Variants in ROBO2 observed in about 807,000 individuals in gnomAD.
The protein encoded by ROBO2 is roundabout guidance receptor 2, also known as roundabout homolog 2.
ROBO2 carries 53 observed loss-of-function variants against 160.8 expected under a neutral mutation model. The ratio of observed to expected loss-of-function variants is 0.33; its 90% CI spans 0.26 to 0.41. The LOEUF (loss-of-function observed/expected upper bound fraction) is 0.41. ROBO2 is among the 10% of genes least tolerant of loss of function. The pLI is 1.00. For missense variants in ROBO2, 1,577 were observed against 1,722.4 expected, an observed-to-expected ratio of 0.92 and a Z score of 1.49; for synonymous variants, 664 against 611.7, an observed-to-expected ratio of 1.09 and a Z score of -1.26.
At chr3:77,288,834 A>T (rs1216124037) in intron 2 of ROBO2, among the ~76,000 whole-genome samples, 2 of 152,194 alleles carry the variant, frequency 1.3e-5, no homozygotes, top group Non-Finnish European at 2.9e-5. Context: ...AAAGTGTGAT[A>T]ACACTGTATT....
intron 2 of ROBO2, among the ~76,000 whole-genome samples, chr3:77,301,403 T>G (rs1469827842): frequency 6.6e-6 from 1 of 152,138 alleles, no homozygotes; most frequent in Non-Finnish European, 1.5e-5. Context: ...TGAAACAATG[T>G]ACAGTGGAGG....
At chr3:77,428,337 ATATTTTTTTTT>A (rs1465158733) in intron 2 of ROBO2, among the ~76,000 whole-genome samples, 12 of 128,224 alleles carry the variant, frequency 9.4e-5, no homozygotes, top group South Asian at 2.6e-4. Context: ...AACTTAGGTA[ATATTTTTTTTT>A]TTTTTTTTTT....
chr3:76,664,083 A>G (rs937517237), intron 2 of ROBO2, among the ~76,000 whole-genome samples: 1 of 152,162 alleles, frequency 6.6e-6, no homozygotes, highest in Non-Finnish European at 1.5e-5. Flanking sequence ...TTTATAGGCT[A>G]TTTCCCTATG....
intron 2 of ROBO2, among the ~76,000 whole-genome samples, chr3:77,165,720 C>A (rs2150686543): frequency 6.6e-6 from 1 of 152,188 alleles, no homozygotes; most frequent in Non-Finnish European, 1.5e-5. Context: ...TGAATTTTTG[C>A]AAACTGAACA....
chr3:76,544,052 C>A (rs1560122320), intron 2 of ROBO2, among the ~76,000 whole-genome samples: 2 of 152,034 alleles, frequency 1.3e-5, no homozygotes, highest in African/African-American at 4.8e-5. Context: ...ATTTTAGACA[C>A]TATTTTAAAA....
intron 2 of ROBO2, among the ~76,000 whole-genome samples, chr3:77,292,998 G>A (rs1182668522): frequency 8.7e-5 from 13 of 150,000 alleles, no homozygotes; most frequent in East Asian, 2.0e-4. Flanking sequence ...ACGGTTAAAC[G>A]GGTAAGCTGA....
chr3:76,914,260 G>A (rs547093380), intron 2 of ROBO2, among the ~76,000 whole-genome samples: 7 of 152,236 alleles, frequency 4.6e-5, no homozygotes, highest in African/African-American at 1.7e-4. Context: ...ATCTACCAAG[G>A]TTATCAGCAT....
Position 76,049,403 on chromosome 3 carries a change from A to AT in ROBO2, c.109+111822dup, listed in dbSNP as rs1167852972. 9.7e-3 allele frequency among the ~76,000 whole-genome samples: 522 copies of AT among 53,750 alleles called. 18 individuals are homozygous for AT. Among genetic ancestry groups the AT allele is most frequent in the Non-Finnish European group, 0.011 (416 of 36,406 alleles). 35.3% of individuals were successfully genotyped at this position (53,750 alleles called of 152,430 possible). ...TTTTAGTATATATATATATATATAT[A>AT]TTTTTTTTTTTTTTTTTTTTTGTAG... On this transcript the variant is annotated intron_variant, in intron 2 of 26. Transcript: ENST00000487694.
At chr3:76,694,106 A>G (rs2092874148) in intron 2 of ROBO2, among the ~76,000 whole-genome samples, 1 of 152,234 alleles carries the variant, frequency 6.6e-6, no homozygotes, top group South Asian at 2.1e-4. Context: ...AGAAAGGCTT[A>G]CTGCATCAGT....
chr3:77,166,795 G>A (rs183137269), intron 2 of ROBO2, among the ~76,000 whole-genome samples: 192 of 152,198 alleles, frequency 1.3e-3, no homozygotes, highest in South Asian at 6.2e-3. Context: ...TCCTGACCTC[G>A]TGATCCGCCT....
chr3:76,434,230 C>T (rs2076564985), intron 2 of ROBO2: 1 of 1,036,348 alleles, frequency 9.6e-7, no homozygotes, highest in East Asian at 2.4e-5. Context: ...ATGGTCCACA[C>T]AGGTTTGACG....
intron 2 of ROBO2, among the ~76,000 whole-genome samples, chr3:76,212,457 A>C (rs755543136): frequency 1.3e-5 from 2 of 152,056 alleles, no homozygotes; most frequent in Non-Finnish European, 2.9e-5. Flanking sequence ...TTTAAAATAT[A>C]TATTTAAACT....
chr3:77,401,739 A>G (rs1005376923), intron 2 of ROBO2, among the ~76,000 whole-genome samples: 1 of 152,178 alleles, frequency 6.6e-6, no homozygotes, highest in Non-Finnish European at 1.5e-5. Flanking sequence ...ATGGTCAGGC[A>G]TTTGTTACCG....
chr3:77,569,805 T>C (rs530793432), intron 13 of ROBO2, among the ~76,000 whole-genome samples: 14 of 152,070 alleles, frequency 9.2e-5, no homozygotes, highest in Non-Finnish European at 1.8e-4. Context: ...GTCAAATTAT[T>C]GGTTTATGAG....
chr3:77,295,951 G>A (rs2062043632), intron 2 of ROBO2, among the ~76,000 whole-genome samples: 2 of 120,270 alleles, frequency 1.7e-5, no homozygotes, highest in Non-Finnish European at 3.9e-5. Context: ...TGGTTAAACG[G>A]GTAAGCTGAG....
At chr3:76,948,554 C>T (rs1279403145) in intron 2 of ROBO2, among the ~76,000 whole-genome samples, 2 of 147,296 alleles carry the variant, frequency 1.4e-5, no homozygotes, top group Non-Finnish European at 3.0e-5. Flanking sequence ...TTCCACCTCT[C>T]CATTGGGGCT....
intron 2 of ROBO2, among the ~76,000 whole-genome samples, chr3:77,329,765 G>A (rs1002820518): frequency 1.3e-5 from 2 of 152,242 alleles, no homozygotes; most frequent in East Asian, 1.9e-4. Context: ...TACATAATTC[G>A]TTAGAATACA....
rs570236047 is a variant in ROBO2, at chr3:77,304,718, A to C, written c.389-172696A>C. On this transcript the variant is annotated intron_variant, in intron 2 of 25. Transcript: ENST00000461745. ...TTAATAAGTGTTTTATGGACCTTAA[A>C]TTGGAAGAACCATTTCCACTTTATT... Among the ~76,000 whole-genome samples the C allele has an allele frequency of 1.4e-4, 22 of 152,248 alleles. No individual in the cohort carries two copies. The South Asian group carries it at 3.9e-3, about 27-fold the overall frequency.
At chr3:77,018,365 G>A (rs1042152963) in intron 2 of ROBO2, among the ~76,000 whole-genome samples, 5 of 152,148 alleles carry the variant, frequency 3.3e-5, no homozygotes, top group Non-Finnish European at 7.4e-5. Context: ...TTACAGGTGT[G>A]AGCCACTGTG....
Sources: gnomAD v4.1 joint callset for allele counts (sites outside exome capture counted in the v4.1 genomes callset) on GRCh38, gnomAD v4.1.1 for gene constraint, MANE v1.5 for transcripts, NCBI Gene and HGNC (gene_info 2026-07-23, HGNC 2026-07-21) for gene names.